Variants in PRR11 observed in about 807,000 individuals in gnomAD.
PRR11 encodes the protein proline rich 11.
Under a neutral mutation model 45.6 loss-of-function variants are expected in PRR11, and 30 were observed. The ratio of observed to expected loss-of-function variants is 0.66; its 90% CI spans 0.49 to 0.89. PRR11 has a LOEUF of 0.89. Ranked by LOEUF, PRR11 falls within the 40% of genes least tolerant of loss-of-function variation. The pLI is 0.00. For missense variants in PRR11, 373 were observed against 424.8 expected, an observed-to-expected ratio of 0.88 and a Z score of 1.07; for synonymous variants, 128 against 153.5, an observed-to-expected ratio of 0.83 and a Z score of 1.23.
chr17:59,156,346 G>A (rs2046623560), intron 1 of PRR11, among the ~76,000 whole-genome samples: 1 of 151,896 alleles, frequency 6.6e-6, no homozygotes. Context: ...TGTGCGGGAT[G>A]AGACTTTAGG....
chr17:59,196,412 T>C (rs894742673), intron 7 of PRR11, among the ~76,000 whole-genome samples: 1 of 152,194 alleles, frequency 6.6e-6, no homozygotes, highest in Admixed American at 6.6e-5. Flanking sequence ...AGTCTTGCTC[T>C]GTCGCCCAGA....
chr17:59,193,199 C>G (rs1402139334), intron 4 of PRR11, among the ~76,000 whole-genome samples: 1 of 152,184 alleles, frequency 6.6e-6, no homozygotes, highest in Non-Finnish European at 1.5e-5. Context: ...GTGTGCACCA[C>G]CATTCCTGGC....
intron 2 of PRR11, chr17:59,177,274 A>G (rs72830755): frequency 0.017 from 9,528 of 546,490 alleles, 134 homozygotes; most frequent in Non-Finnish European, 0.022. Context: ...AGAAAGGAAC[A>G]CAGAAAGGGA....
intron 1 of PRR11, among the ~76,000 whole-genome samples, chr17:59,159,065 C>G (rs866820964): frequency 4.6e-5 from 7 of 152,216 alleles, no homozygotes; most frequent in African/African-American, 1.2e-4. Context: ...GGTGATCCAC[C>G]CACCTCAGTC....
At position 59,197,538 on chromosome 17, in the gene PRR11, T is replaced by C. The variant is rs770196918; in HGVS notation, c.858-6T>C. ...AGTTCTAATTTTTATATCTTTGTTT[T>C]ATCAGCACTCCTGGAAAAAGTCAGA... On this transcript the variant is annotated splice_polypyrimidine_tract_variant and splice_region_variant and intron_variant, in intron 7 of 9. Transcript: ENST00000262293. The C allele has an allele frequency of 3.1e-6, 5 of 1,613,310 alleles. No individual in the cohort carries two copies. Among genetic ancestry groups the C allele is most frequent in the Non-Finnish European group, 4.2e-6 (5 of 1,179,360 alleles).
chr17:59,179,969 C>T (rs1828431500), intron 2 of PRR11: 1 of 1,192,248 alleles, frequency 8.4e-7, no homozygotes, highest in Non-Finnish European at 1.2e-6. Context: ...CTCCATCCTC[C>T]CCAGCCTCGC....
intron 2 of PRR11, among the ~76,000 whole-genome samples, chr17:59,173,093 T>A (rs1337170041): frequency 6.6e-6 from 1 of 152,236 alleles, no homozygotes; most frequent in African/African-American, 2.4e-5. Flanking sequence ...ATCAACACTC[T>A]GTGTCTAGCT....
Position 59,185,575 on chromosome 17 carries a change from A to T in PRR11, c.402+13A>T. On this transcript the variant is annotated intron_variant, in intron 4 of 9. Coordinates refer to ENST00000262293, the MANE Select transcript of PRR11 (RefSeq NM_018304.4). The stretch of plus-strand genomic sequence containing the variant: ...GGAAGCACTGAAGGTTGGTATTGTC[A>T]AATAAAAAGCAAATCTGGAATTAGG... The T allele has an allele frequency of 6.3e-7, 1 of 1,582,778 alleles. No homozygotes were observed. The highest frequency in any genetic ancestry group is 8.6e-7 in the Non-Finnish European group (1 of 1,167,562).
At chr17:59,179,072 T>G (rs2046765622) in intron 2 of PRR11, among the ~76,000 whole-genome samples, 1 of 152,232 alleles carries the variant, frequency 6.6e-6, no homozygotes, top group South Asian at 2.1e-4. Context: ...TGATCTCAGC[T>G]CACTGCAACC....
chr17:59,178,998 G>GATTT lies in PRR11; in HGVS notation c.129-6040_129-6037dup, dbSNP rs555179453. ...CTTTGATTTTTTATTGTGATTTATT[G>GATTT]ATTTATTTATTTATTTATTGAGATG... On this transcript the variant is annotated intron_variant, in intron 2 of 9. Coordinates refer to ENST00000262293, the MANE Select transcript of PRR11 (RefSeq NM_018304.4). 8.6e-3 allele frequency among the ~76,000 whole-genome samples: 1,311 copies of GATTT among 152,046 alleles called. 10 individuals are homozygous for GATTT. The highest frequency in any genetic ancestry group is 0.025 in the South Asian group (119 of 4,812).
intron 2 of PRR11, among the ~76,000 whole-genome samples, chr17:59,180,855 G>A (rs1349920716): frequency 6.6e-6 from 1 of 151,474 alleles, no homozygotes; most frequent in African/African-American, 2.4e-5. Context: ...AGGCTGGAGT[G>A]CAGTCGTGCA....
At chr17:59,191,019 C>A (rs1383903121) in intron 4 of PRR11, among the ~76,000 whole-genome samples, 1 of 152,158 alleles carries the variant, frequency 6.6e-6, no homozygotes, top group Non-Finnish European at 1.5e-5. Flanking sequence ...AGGATACATT[C>A]CTCAAGCTCC....
At chr17:59,178,430 G>A (rs1282335764) in intron 2 of PRR11, 1 of 490,950 alleles carries the variant, frequency 2.0e-6, no homozygotes, top group Non-Finnish European at 4.0e-6. Context: ...CCCCCTGGCA[G>A]TGCACTGAAG....
chr17:59,197,731 T>C lies in PRR11; in HGVS notation c.956T>C (p.Met319Thr). Residue 319 changes from methionine to threonine, a missense_variant, in exon 9 of 10, where the codon ATG becomes ACG. Met to Thr is a moderately conservative substitution (Grantham distance 81, BLOSUM62 -1). Coordinates refer to ENST00000262293, the MANE Select transcript of PRR11 (RefSeq NM_018304.4). ...ACCCCTCTTACCAATAAGGAAAATA[T>C]GGAAACAGGAACAGGACTGACTCCA... is the stretch of plus-strand genomic sequence containing the variant. ...GGTPLTNKENMETGTGLTPVM... is the reference protein window; with the variant it reads ...GGTPLTNKENTETGTGLTPVM... 1 of 1,614,034 alleles carries C rather than the reference T, an allele frequency of 6.2e-7. No homozygotes were observed. Among genetic ancestry groups the C allele is most frequent in the Non-Finnish European group, 8.5e-7 (1 of 1,180,022 alleles).
rs2046911984 is a variant in PRR11 at position 59,205,138 on chromosome 17, AC to A, written c.*3509del. On this transcript the variant is annotated 3_prime_UTR_variant, in exon 10 of 10. Coordinates refer to ENST00000262293, the MANE Select transcript of PRR11 (RefSeq NM_018304.4). ...TTTGCAAAGCTGCTACTGCCATTGT[AC>A]CAGTGTTAAACTGTGTTCTACCTTG... 6.6e-6 allele frequency among the ~76,000 whole-genome samples: 1 copy of A among 152,158 alleles called. No individual in the cohort carries two copies. Among genetic ancestry groups the A allele is most frequent in the East Asian group, 1.9e-4 (1 of 5,182 alleles).
chr17:59,191,549 C>T (rs546774025), intron 4 of PRR11, among the ~76,000 whole-genome samples: 6 of 152,072 alleles, frequency 3.9e-5, no homozygotes, highest in Non-Finnish European at 7.4e-5. Context: ...GTAAACCTAC[C>T]TCCAGACCTC....
At chr17:59,158,408 G>T (rs1471514671) in intron 1 of PRR11, among the ~76,000 whole-genome samples, 1 of 152,122 alleles carries the variant, frequency 6.6e-6, no homozygotes, top group East Asian at 1.9e-4. Flanking sequence ...TTCATAACAA[G>T]GTTAAATTTC....
chr17:59,193,154 G>T (rs111678587), intron 4 of PRR11, among the ~76,000 whole-genome samples: 2 of 152,170 alleles, frequency 1.3e-5, no homozygotes, highest in African/African-American at 4.8e-5. Context: ...CAAGCAATTC[G>T]CTGGATTCAG....
At chr17:59,177,867 T>C (rs1458150531) in intron 2 of PRR11, among the ~76,000 whole-genome samples, 1 of 152,098 alleles carries the variant, frequency 6.6e-6, no homozygotes, top group Non-Finnish European at 1.5e-5. Context: ...TATTCGAGCA[T>C]GATGGCATGT....
Sources: gnomAD v4.1 joint callset for allele counts (sites outside exome capture counted in the v4.1 genomes callset) on GRCh38, gnomAD v4.1.1 for gene constraint, MANE v1.5 for transcripts, NCBI Gene and HGNC (gene_info 2026-07-23, HGNC 2026-07-21) for gene names.